The following NBAS variants were observed in gnomAD, a reference collection of about 807,000 sequenced individuals.
NBAS encodes the protein NBAS subunit of NRZ tethering complex.
In NBAS, 219 loss-of-function variants were observed where a neutral mutation model predicts 302.5. The ratio of observed to expected loss-of-function variants is 0.72; its 90% CI spans 0.65 to 0.81. The LOEUF is 0.81. Among genes scored for constraint, NBAS ranks in the 30% least tolerant of loss-of-function variants. The pLI, the probability that NBAS is intolerant of heterozygous loss-of-function variation, is 0.00. For missense variants in NBAS, 2,932 were observed against 2,841.6 expected (o/e 1.03, Z -0.72); for synonymous variants, 1,118 against 1,021.6 (o/e 1.09, Z -1.80).
At chr2:15,016,511 T>TATA in the NBAS span, among the ~76,000 whole-genome samples, 4 of 152,116 alleles carry the variant, frequency 2.6e-5, no homozygotes, top group African/African-American at 9.7e-5. Context: ...TGCTCATGGA[T>TATA]TGGAAGAATT....
At chr2:15,352,504 G>A (rs968274479) in intron 34 of NBAS, among the ~76,000 whole-genome samples, 2 of 152,156 alleles carry the variant, frequency 1.3e-5, no homozygotes, top group African/African-American at 4.8e-5. Context: ...CCCAAGGGAG[G>A]GATTTGAAGG....
chr2:15,071,237 T>G, the NBAS span, among the ~76,000 whole-genome samples: 1 of 152,220 alleles, frequency 6.6e-6, no homozygotes, highest in African/African-American at 2.4e-5. Flanking sequence ...CTTAGGAGAC[T>G]TTCAGGAATG....
chr2:15,075,796 A>G, the NBAS span, among the ~76,000 whole-genome samples: 1 of 150,752 alleles, frequency 6.6e-6, no homozygotes, highest in Non-Finnish European at 1.5e-5. Flanking sequence ...TACACACAGA[A>G]AAAGCCCAGA....
At chr2:15,439,118 A>G (rs1028626852) in intron 21 of NBAS, among the ~76,000 whole-genome samples, 12 of 151,838 alleles carry the variant, frequency 7.9e-5, no homozygotes, top group Non-Finnish European at 1.5e-4. Context: ...ACACGGTGAA[A>G]CCCCGTCTCT....
chr2:15,110,060 G>T, the NBAS span, among the ~76,000 whole-genome samples: 2 of 152,114 alleles, frequency 1.3e-5, no homozygotes, highest in Non-Finnish European at 2.9e-5. Context: ...CAAGAGACTA[G>T]TAAAAGCTGT....
At chr2:15,472,033 G>A (rs58691400) in intron 16 of NBAS, among the ~76,000 whole-genome samples, 2,946 of 152,274 alleles carry the variant, frequency 0.019, 67 homozygotes, top group East Asian at 0.06. Flanking sequence ...GAAGTATCCA[G>A]TTTTGAGATT....
At chr2:14,873,325 C>T in the NBAS span, among the ~76,000 whole-genome samples, 1 of 152,200 alleles carries the variant, frequency 6.6e-6, no homozygotes, top group Non-Finnish European at 1.5e-5. Context: ...AAGCCCAACT[C>T]GCTTCACCTC....
At chr2:14,872,838 G>A in the NBAS span, among the ~76,000 whole-genome samples, 1 of 152,044 alleles carries the variant, frequency 6.6e-6, no homozygotes, top group Non-Finnish European at 1.5e-5. Context: ...CCTTCGTGGT[G>A]AGCGTCTTAC....
intron 13 of NBAS, among the ~76,000 whole-genome samples, chr2:15,477,669 C>A (rs1018312501): frequency 6.6e-6 from 1 of 152,146 alleles, no homozygotes; most frequent in Non-Finnish European, 1.5e-5. Context: ...AAAAATAACA[C>A]AGTCAAAAAC....
At chr2:14,981,984 G>A in the NBAS span, among the ~76,000 whole-genome samples, 11,120 of 152,198 alleles carry the variant, frequency 0.073, 461 homozygotes, top group East Asian at 0.16. Flanking sequence ...CATGCTTGCC[G>A]TAGTGATTTT....
At chr2:15,242,276 A>G (rs1667899725) in intron 44 of NBAS, among the ~76,000 whole-genome samples, 1 of 152,236 alleles carries the variant, frequency 6.6e-6, no homozygotes, top group Non-Finnish European at 1.5e-5. Flanking sequence ...TCTATTTAAA[A>G]TAATCCTTCA....
the NBAS span, among the ~76,000 whole-genome samples, chr2:15,000,216 T>C: frequency 1.3e-5 from 2 of 152,206 alleles, no homozygotes; most frequent in South Asian, 2.1e-4. Flanking sequence ...ACCTTTCTTA[T>C]CAATTCCTTA....
At chr2:14,811,729 G>A in the NBAS span, among the ~76,000 whole-genome samples, 2 of 152,152 alleles carry the variant, frequency 1.3e-5, no homozygotes, top group African/African-American at 4.8e-5. Flanking sequence ...GGCTGTTGCA[G>A]TAACCCAGGA....
the NBAS span, among the ~76,000 whole-genome samples, chr2:15,054,906 AT>A: frequency 2.0e-5 from 3 of 152,216 alleles, no homozygotes; most frequent in Admixed American, 6.5e-5. Flanking sequence ...TTCTGGCCAA[AT>A]AAATTTGGGA....
chr2:15,124,771 T>C, the NBAS span, among the ~76,000 whole-genome samples: 13 of 152,132 alleles, frequency 8.5e-5, no homozygotes, highest in African/African-American at 1.9e-4. Flanking sequence ...GCATCTTCCA[T>C]GTAGTGGTTA....
At chr2:15,317,659 C>T (rs1671578552) in intron 38 of NBAS, among the ~76,000 whole-genome samples, 1 of 151,886 alleles carries the variant, frequency 6.6e-6, no homozygotes, top group African/African-American at 2.4e-5. Flanking sequence ...GATTGAAGAT[C>T]AAATTAATGA....
intron 48 of NBAS, among the ~76,000 whole-genome samples, chr2:15,214,054 T>C (rs1304850474): frequency 6.6e-6 from 1 of 152,190 alleles, no homozygotes; most frequent in Non-Finnish European, 1.5e-5. Flanking sequence ...AATCTTCCCA[T>C]TATTCCAAGC....
rs377274560 is a variant in NBAS, at chr2:15,444,526, C to T, written c.2339+16675G>A. Reference sequence around the variant, plus strand: ...ATTCAAGATGGATTAAAGACTTAAACGTTAGACCTAAAACCATAAAACCCC... The same window carrying T: ...ATTCAAGATGGATTAAAGACTTAAATGTTAGACCTAAAACCATAAAACCCC... On this transcript the variant is annotated intron_variant, in intron 21 of 51. Transcript: ENST00000281513. Among the ~76,000 whole-genome samples, 1,196 of 151,086 alleles carry T rather than the reference C, an allele frequency of 7.9e-3. 28 individuals carry two copies. The highest frequency in any genetic ancestry group is 0.073 in the South Asian group (347 of 4,762).
chr2:15,126,362 G>A, the NBAS span, among the ~76,000 whole-genome samples: 3 of 152,116 alleles, frequency 2.0e-5, no homozygotes, highest in Non-Finnish European at 4.4e-5. Flanking sequence ...ACCCAACCTC[G>A]GGTATTCCTT....
Sources: allele counts gnomAD v4.1 joint callset (sites outside exome capture counted in the v4.1 genomes callset), GRCh38; gene constraint gnomAD v4.1.1; transcripts MANE v1.5; gene names NCBI Gene and HGNC (gene_info 2026-07-23, HGNC 2026-07-21).